The following SETBP1 variants were observed in gnomAD, a reference collection of about 807,000 sequenced individuals.
SETBP1 encodes the protein SET binding protein 1.
A neutral mutation model predicts 101.0 loss-of-function variants in SETBP1; 9 were observed. The observed-to-expected ratio is 0.09, with a 90% CI of 0.05 to 0.16. The LOEUF (loss-of-function observed/expected upper bound fraction) is 0.16, where lower values mean the gene tolerates loss of function less well. Among genes scored for constraint, SETBP1 ranks in the 10% least tolerant of loss-of-function variants. The pLI, the probability that SETBP1 is intolerant of heterozygous loss-of-function variation, is 1.00. For missense variants in SETBP1, 1,858 were observed against 2,033.8 expected (o/e 0.91, Z 1.66); for synonymous variants, 818 against 788.5 (o/e 1.04, Z -0.63).
intron 5 of SETBP1, among the ~76,000 whole-genome samples, chr18:45,045,379 C>T (rs1023592223): frequency 3.9e-5 from 6 of 152,092 alleles, no homozygotes; most frequent in South Asian, 2.1e-4. Context: ...TGTAGTGAGC[C>T]GAAATCTCAC....
chr18:44,898,087 G>A (rs1477831110), intron 3 of SETBP1, among the ~76,000 whole-genome samples: 1 of 152,150 alleles, frequency 6.6e-6, no homozygotes, highest in East Asian at 1.9e-4. Flanking sequence ...AGGGCTCTTT[G>A]CTTGTAACTC....
At chr18:44,802,867 C>T (rs978275018) in intron 2 of SETBP1, among the ~76,000 whole-genome samples, 3 of 152,104 alleles carry the variant, frequency 2.0e-5, no homozygotes, top group African/African-American at 7.2e-5. Flanking sequence ...CCTGCCAGTC[C>T]TCCAAGAACC....
intron 3 of SETBP1, among the ~76,000 whole-genome samples, chr18:44,904,033 T>C (rs1034597633): frequency 6.6e-6 from 1 of 152,178 alleles, no homozygotes; most frequent in African/African-American, 2.4e-5. Context: ...TCTTCTAGGG[T>C]ACTGAGTCTA....
At chr18:44,830,456 A>G (rs987516468) in intron 2 of SETBP1, among the ~76,000 whole-genome samples, 6 of 152,226 alleles carry the variant, frequency 3.9e-5, no homozygotes, top group Non-Finnish European at 8.8e-5. Flanking sequence ...TTTTATTATA[A>G]AATCTTGGCA....
At chr18:44,999,682 G>T (rs1048983696) in intron 4 of SETBP1, among the ~76,000 whole-genome samples, 4 of 152,176 alleles carry the variant, frequency 2.6e-5, no homozygotes, top group Non-Finnish European at 5.9e-5. Context: ...ATATCATGTT[G>T]TCTGCATTGC....
intron 2 of SETBP1, among the ~76,000 whole-genome samples, chr18:44,728,759 GGAA>G (rs1485319809): frequency 6.6e-6 from 1 of 152,328 alleles, no homozygotes; most frequent in South Asian, 2.1e-4. Context: ...GTCAGCTAGA[GGAA>G]GAAGGAGAAC....
chr18:44,871,126 C>T (rs546129332), intron 3 of SETBP1: 1 of 152,322 alleles, frequency 6.6e-6, no homozygotes, highest in East Asian at 1.9e-4. Flanking sequence ...CTATTTTTCA[C>T]TCCTCAGGAT....
chr18:44,683,645 T>A (rs1250489878), intron 1 of SETBP1, among the ~76,000 whole-genome samples: 1 of 152,302 alleles, frequency 6.6e-6, no homozygotes, highest in African/African-American at 2.4e-5. Flanking sequence ...AGGAAGCAGA[T>A]GAGAAATAGC....
intron 1 of SETBP1, among the ~76,000 whole-genome samples, chr18:44,690,054 C>G (rs1265973438): frequency 2.6e-5 from 4 of 152,154 alleles, no homozygotes; most frequent in Non-Finnish European, 5.9e-5. Context: ...ACCAGCTCTT[C>G]AGCATGGGGT....
chr18:44,998,519 T>A (rs561073727), intron 4 of SETBP1, among the ~76,000 whole-genome samples: 1 of 152,354 alleles, frequency 6.6e-6, no homozygotes, highest in East Asian at 1.9e-4. Context: ...TCAGTAGACA[T>A]ATTGGCTGTA....
intron 4 of SETBP1, among the ~76,000 whole-genome samples, chr18:45,034,900 G>C (rs943868227): frequency 1.3e-5 from 2 of 152,084 alleles, no homozygotes; most frequent in Admixed American, 1.3e-4. Context: ...TCCGTACAAG[G>C]TTAAATCTGG....
rs550198170 is a variant in SETBP1, at chr18:44,976,648, A to G, written c.4000+23308A>G. Among the ~76,000 whole-genome samples, 13 of 152,350 alleles carry G rather than the reference A, an allele frequency of 8.5e-5. No individual in the cohort carries two copies. In the South Asian group the frequency reaches 2.3e-3, roughly 27 times the overall value. On this transcript the variant is annotated intron_variant, in intron 4 of 5. Transcript: ENST00000649279. ...ATCATGGTTATAGTTAGTAGCTATTAGAGTCACAGGCTTCCAAATTCCCAG... is the reference window on the plus strand; with the variant it reads ...ATCATGGTTATAGTTAGTAGCTATTGGAGTCACAGGCTTCCAAATTCCCAG...
At chr18:44,792,269 C>T (rs992056910) in intron 2 of SETBP1, among the ~76,000 whole-genome samples, 19 of 152,122 alleles carry the variant, frequency 1.2e-4, no homozygotes, top group South Asian at 2.1e-4. Context: ...TTGGCCTGCA[C>T]GGAAATATGG....
chr18:44,963,640 G>A (rs2145160948), intron 4 of SETBP1, among the ~76,000 whole-genome samples: 2 of 152,048 alleles, frequency 1.3e-5, no homozygotes, highest in South Asian at 4.2e-4. Flanking sequence ...TGTAATCCCA[G>A]CACTTTGGGA....
chr18:44,968,250 T>TAC (rs374732078), intron 4 of SETBP1, among the ~76,000 whole-genome samples: 25 of 151,692 alleles, frequency 1.6e-4, no homozygotes, highest in South Asian at 6.3e-4. Flanking sequence ...TCATTCATCA[T>TAC]ACACACACAC....
chr18:44,768,492 T>A (rs2070807012), intron 2 of SETBP1, among the ~76,000 whole-genome samples: 1 of 152,196 alleles, frequency 6.6e-6, no homozygotes. Context: ...AATTCTTCAA[T>A]TAATGTTTCT....
intron 4 of SETBP1, among the ~76,000 whole-genome samples, chr18:45,027,891 T>C (rs2073201881): frequency 1.3e-5 from 2 of 152,178 alleles, no homozygotes; most frequent in South Asian, 4.1e-4. Context: ...ATAATCCATT[T>C]CCTTGTTTTC....
chr18:44,694,858 A>G (rs1464411652), intron 1 of SETBP1, among the ~76,000 whole-genome samples: 10 of 152,258 alleles, frequency 6.6e-5, no homozygotes, highest in Admixed American at 6.5e-4. Flanking sequence ...CAACAGCAAC[A>G]TTAGAGTTTC....
At chr18:44,774,399 G>A (rs1008157418) in intron 2 of SETBP1, among the ~76,000 whole-genome samples, 2 of 152,008 alleles carry the variant, frequency 1.3e-5, no homozygotes, top group African/African-American at 4.8e-5. Context: ...GTGGGTGTGA[G>A]TGTGGGGGTG....
Sources: allele counts gnomAD v4.1 joint callset (sites outside exome capture counted in the v4.1 genomes callset), GRCh38; gene constraint gnomAD v4.1.1; transcripts MANE v1.5; gene names NCBI Gene and HGNC (gene_info 2026-07-23, HGNC 2026-07-21).